SLC44A1: variants seen among roughly 807,000 people sequenced by gnomAD.
SLC44A1 encodes solute carrier family 44 member 1.
In SLC44A1, 26 loss-of-function variants were observed where a neutral mutation model predicts 79.3. The ratio of observed to expected loss-of-function variants is 0.33; its 90% CI spans 0.24 to 0.46. The LOEUF is 0.46. Ranked by LOEUF, SLC44A1 falls within the 20% of genes least tolerant of loss-of-function variation. The probability of loss-of-function intolerance (pLI) is 1.00; values close to 1 mark genes in which losing one functional copy is unlikely to be tolerated. For synonymous variants in SLC44A1, 263 were observed against 286.2 expected (o/e 0.92, Z 0.82); for missense variants, 688 against 798.1 (o/e 0.86, Z 1.66).
chr9:105,254,449 C>T (rs529789765), intron 1 of SLC44A1, among the ~76,000 whole-genome samples: 2 of 152,250 alleles, frequency 1.3e-5, no homozygotes, highest in South Asian at 2.1e-4. Context: ...AGGGCAACAC[C>T]GGAACAAAAG....
Position 105,394,306 on chromosome 9 carries a change from TTAG to T in SLC44A1, c.*5254_*5256del, listed in dbSNP as rs568124474. On this transcript the variant is annotated 3_prime_UTR_variant, in exon 16 of 16. Coordinates refer to ENST00000374720, the MANE Select transcript of SLC44A1 (RefSeq NM_080546.5). ...TTATAACTTAAAGACTTTATGTAAT[TTAG>T]TAGCAGGTTAGGGAATAGAAACCAC... The T allele has an allele frequency of 1.4e-4, 137 of 985,320 alleles. No homozygotes were observed. The African/African-American group carries it at 2.2e-3, about 16-fold the overall frequency. The allele number at this position is 985,320 out of a possible 1,614,324, so 61.0% of individuals were successfully genotyped here.
chr9:105,407,986 G>A (rs1323767270), intron 15 of SLC44A1, among the ~76,000 whole-genome samples: 1 of 152,026 alleles, frequency 6.6e-6, no homozygotes, highest in Non-Finnish European at 1.5e-5. Context: ...GGCCAACATG[G>A]TGAAACCCTG....
chr9:105,261,260 A>T (rs41477944), intron 1 of SLC44A1, among the ~76,000 whole-genome samples: 15 of 152,182 alleles, frequency 9.9e-5, no homozygotes, highest in African/African-American at 3.6e-4. Flanking sequence ...ACAGGTAATC[A>T]GCACTGGACG....
At chr9:105,403,199 A>G (rs1200013005) in intron 15 of SLC44A1, among the ~76,000 whole-genome samples, 2 of 152,118 alleles carry the variant, frequency 1.3e-5, no homozygotes, top group African/African-American at 4.8e-5. Flanking sequence ...TGGGACTAAT[A>G]TGGTCACAGT....
chr9:105,384,184 AT>A (rs67880348), intron 14 of SLC44A1, among the ~76,000 whole-genome samples: 3,401 of 146,838 alleles, frequency 0.023, 40 homozygotes, highest in Non-Finnish European at 0.026. Flanking sequence ...AATAAGCTAG[AT>A]TTTTTTTTTT....
At chr9:105,358,824 G>A (rs1362625121) in intron 7 of SLC44A1, among the ~76,000 whole-genome samples, 1 of 151,920 alleles carries the variant, frequency 6.6e-6, no homozygotes, top group Non-Finnish European at 1.5e-5. Context: ...CACGAACTAT[G>A]TTTTCTTTGG....
Position 105,390,584 on chromosome 9 carries a change from A to C in SLC44A1, c.*1528A>C. The C allele has an allele frequency of 3.0e-6, 3 of 985,860 alleles. No homozygotes were observed. The highest frequency in any genetic ancestry group is 3.5e-5 in the African/African-American group (2 of 57,372). 61.1% of individuals were successfully genotyped at this position (985,860 alleles called of 1,614,324 possible). On this transcript the variant is annotated 3_prime_UTR_variant, in exon 16 of 16. Transcript: ENST00000374720. Reference sequence around the variant, plus strand: ...GTAATGTCACTAGGGCTTAATAAGCAGCCGTTTGCTAATGTGCTTCCTTTC... The same window carrying C: ...GTAATGTCACTAGGGCTTAATAAGCCGCCGTTTGCTAATGTGCTTCCTTTC...
At chr9:105,333,217 C>G (rs569319921) in intron 3 of SLC44A1, among the ~76,000 whole-genome samples, 4 of 152,202 alleles carry the variant, frequency 2.6e-5, no homozygotes, top group Non-Finnish European at 5.9e-5. Context: ...AGCCTAGGCC[C>G]AGCAGCAAGG....
At chr9:105,346,422 C>T (rs535081800) in intron 4 of SLC44A1, among the ~76,000 whole-genome samples, 6 of 152,246 alleles carry the variant, frequency 3.9e-5, no homozygotes, top group African/African-American at 1.4e-4. Context: ...TATTTGCCAG[C>T]ACTGACACAA....
At chr9:105,296,801 G>T in intron 1 of SLC44A1, among the ~76,000 whole-genome samples, 1 of 152,114 alleles carries the variant, frequency 6.6e-6, no homozygotes, top group East Asian at 1.9e-4. Flanking sequence ...ATTCTTATAT[G>T]AATAATACAG....
intron 1 of SLC44A1, among the ~76,000 whole-genome samples, chr9:105,251,950 C>G (rs774426173): frequency 6.6e-6 from 1 of 151,816 alleles, no homozygotes; most frequent in Admixed American, 6.5e-5. Flanking sequence ...AACTACAGCC[C>G]ATGGGCCAAA....
At chr9:105,279,145 G>A (rs917597158) in intron 1 of SLC44A1, among the ~76,000 whole-genome samples, 1 of 149,118 alleles carries the variant, frequency 6.7e-6, no homozygotes, top group Non-Finnish European at 1.5e-5. Flanking sequence ...CTTGCAGTGA[G>A]CTGAGATCGC....
At chr9:105,311,049 C>T (rs1831167672) in intron 3 of SLC44A1, among the ~76,000 whole-genome samples, 1 of 152,154 alleles carries the variant, frequency 6.6e-6, no homozygotes. Context: ...TCTTGATATG[C>T]ACCTGTATCC....
intron 1 of SLC44A1, among the ~76,000 whole-genome samples, chr9:105,270,870 T>C (rs1356750767): frequency 6.6e-6 from 1 of 152,240 alleles, no homozygotes; most frequent in Non-Finnish European, 1.5e-5. Flanking sequence ...TCAACTTACA[T>C]TGTTTCTTTC....
intron 3 of SLC44A1, among the ~76,000 whole-genome samples, chr9:105,316,739 A>G (rs1210142289): frequency 6.6e-6 from 1 of 152,198 alleles, no homozygotes; most frequent in East Asian, 1.9e-4. Flanking sequence ...CACTTTCCTG[A>G]GTTCCTAACA....
At chr9:105,262,934 T>A (rs1305676157) in intron 1 of SLC44A1, among the ~76,000 whole-genome samples, 1 of 152,214 alleles carries the variant, frequency 6.6e-6, no homozygotes, top group Non-Finnish European at 1.5e-5. Flanking sequence ...TATTTAAGAC[T>A]TTTGAAATGA....
At position 105,389,301 on chromosome 9, in the gene SLC44A1, TC is replaced by T; in HGVS notation, c.*247del. On this transcript the variant is annotated 3_prime_UTR_variant, in exon 16 of 16. Coordinates refer to ENST00000374720, the MANE Select transcript of SLC44A1 (RefSeq NM_080546.5). ...TACGGGTGGCTTTTACAAGGCAACTTCCGTCATTTAATGTTTTCAACTGTAA... is the reference window on the plus strand; with the variant it reads ...TACGGGTGGCTTTTACAAGGCAACTTCGTCATTTAATGTTTTCAACTGTAA... 8.4e-7 allele frequency: 1 copy of T among 1,196,324 alleles called. No homozygotes were observed. Among genetic ancestry groups the T allele is most frequent in the Non-Finnish European group, 1.0e-6 (1 of 963,970 alleles). The allele number at this position is 1,196,324 out of a possible 1,614,324, so 74.1% of individuals were successfully genotyped here.
chr9:105,362,917 C>G lies in SLC44A1; in HGVS notation c.997C>G (p.Leu333Val), dbSNP rs1827824892. 6.2e-7 allele frequency: 1 copy of G among 1,613,692 alleles called. No individual in the cohort carries two copies. The highest frequency in any genetic ancestry group is 8.5e-7 in the Non-Finnish European group (1 of 1,179,628). The change falls in exon 9 of 16, where the codon CTG (leucine) becomes GTG (valine). Residue 333 changes from leucine to valine, a missense_variant. Leu to Val is a conservative substitution (Grantham distance 32, BLOSUM62 1). Transcript: ENST00000374720. Reference sequence around the variant, plus strand: ...TGGCAAGGTCTTCATTCACTTGCCACTGCTAGTCTTCCAACCCTTCTGGAC... The same window carrying G: ...TGGCAAGGTCTTCATTCACTTGCCAGTGCTAGTCTTCCAACCCTTCTGGAC... ...VAGKVFIHLP[L>V]LVFQPFWTFF... is the part of the protein sequence containing the mutation.
intron 1 of SLC44A1, among the ~76,000 whole-genome samples, chr9:105,299,006 G>A (rs770576680): frequency 5.3e-5 from 8 of 152,144 alleles, no homozygotes; most frequent in Non-Finnish European, 7.3e-5. Flanking sequence ...GCCTGGCCAG[G>A]AAGAGGGGTG....
Sources: gnomAD v4.1 joint callset for allele counts (sites outside exome capture counted in the v4.1 genomes callset) on GRCh38, gnomAD v4.1.1 for gene constraint, MANE v1.5 for transcripts, NCBI Gene and HGNC (gene_info 2026-07-23, HGNC 2026-07-21) for gene names.